The following CDKL1 variants were observed in gnomAD, a reference collection of about 807,000 sequenced individuals.
CDKL1 encodes the protein cyclin dependent kinase like 1, also known as cyclin-dependent kinase-like 1.
In CDKL1, 41 loss-of-function variants were observed where a neutral mutation model predicts 42.0. The observed-to-expected ratio is 0.98, with a 90% CI of 0.76 to 1.27. The LOEUF (loss-of-function observed/expected upper bound fraction) is 1.27. Ranked by LOEUF, CDKL1 falls within the 50% of genes most tolerant of loss-of-function variation. CDKL1 has a pLI of 0.00. For missense variants in CDKL1, 394 were observed against 428.4 expected, an observed-to-expected ratio of 0.92 and a Z score of 0.71; for synonymous variants, 153 against 158.6, an observed-to-expected ratio of 0.96 and a Z score of 0.26.
chr14:50,378,519 GTTC>G, intron 2 of CDKL1: 1 of 1,057,128 alleles, frequency 9.5e-7, no homozygotes, highest in Non-Finnish European at 1.3e-6. Context: ...CCTGCAGACA[GTTC>G]TTTTTTAAAT....
chr14:50,371,992 A>G (rs760615576), intron 2 of CDKL1, among the ~76,000 whole-genome samples: 9 of 152,210 alleles, frequency 5.9e-5, no homozygotes, highest in Admixed American at 6.5e-5. Context: ...ACCCCTCTGG[A>G]CTTTGGACAC....
At chr14:50,357,894 T>C in intron 3 of CDKL1, 1 of 437,334 alleles carries the variant, frequency 2.3e-6, no homozygotes, top group Admixed American at 3.1e-5. Flanking sequence ...TAAGGGAAGC[T>C]TATTTGCAAG....
intron 7 of CDKL1, chr14:50,334,865 A>T: frequency 5.5e-6 from 2 of 364,456 alleles, no homozygotes; most frequent in Non-Finnish European, 9.7e-6. Flanking sequence ...TCTGATACCA[A>T]TGGAGATAGC....
intron 3 of CDKL1, among the ~76,000 whole-genome samples, chr14:50,349,248 A>G (rs1339593815): frequency 1.3e-5 from 2 of 152,214 alleles, no homozygotes; most frequent in African/African-American, 2.4e-5. Context: ...TTGAAGGAAT[A>G]TTATCTTCAA....
intron 3 of CDKL1, among the ~76,000 whole-genome samples, chr14:50,349,077 C>G (rs8014627): frequency 0.023 from 3,484 of 152,228 alleles, 146 homozygotes; most frequent in African/African-American, 0.079. Context: ...AAAATCAAGA[C>G]ACACTCATGA....
chr14:50,342,150 CAA>C lies in CDKL1; in HGVS notation c.434_435del (p.Phe145TrpfsTer11). On this transcript the variant is annotated frameshift_variant, in exon 5 of 10. Coordinates refer to ENST00000395834, the MANE Select transcript of CDKL1 (RefSeq NM_004196.7). LOFTEE classifies it high-confidence loss of function. The part of the protein sequence containing the change: ...TKHSVIKLCD[F>X]GFARLLTGPS... ...TACTCACTCAAAAGCCGAGCAAATC[CAA>C]AGTCACAAAGCTTAATCACGGAATG... 1 of 1,614,010 alleles carries C rather than the reference CAA, an allele frequency of 6.2e-7. No individual in the cohort carries two copies. The highest frequency in any genetic ancestry group is 8.5e-7 in the Non-Finnish European group (1 of 1,179,998).
At chr14:50,337,058 G>C (rs1357101161) in intron 7 of CDKL1, among the ~76,000 whole-genome samples, 1 of 152,170 alleles carries the variant, frequency 6.6e-6, no homozygotes, top group Non-Finnish European at 1.5e-5. Context: ...GCCCAGGCTG[G>C]AGTGTACTGA....
intron 7 of CDKL1, chr14:50,335,872 A>G (rs1326523886): frequency 1.6e-6 from 2 of 1,261,980 alleles, no homozygotes; most frequent in East Asian, 4.7e-5. Context: ...ATCATTGATA[A>G]GAGTAGGAGA....
intron 2 of CDKL1, among the ~76,000 whole-genome samples, chr14:50,369,614 A>ACC (rs2034532741): frequency 6.7e-6 from 1 of 149,186 alleles, no homozygotes; most frequent in Non-Finnish European, 1.5e-5. Context: ...ACATGCACAC[A>ACC]CACACACACA....
chr14:50,380,227 G>C (rs751577343), intron 2 of CDKL1: 10 of 532,366 alleles, frequency 1.9e-5, no homozygotes, highest in Non-Finnish European at 3.9e-5. Flanking sequence ...TAAATCCGAA[G>C]CAAAACTGCA....
intron 2 of CDKL1, chr14:50,378,234 T>C (rs1244024442): frequency 2.9e-6 from 4 of 1,366,278 alleles, no homozygotes; most frequent in Admixed American, 1.9e-5. Context: ...GGGGGATGCC[T>C]GTCCTCCTTA....
chr14:50,380,777 A>G (rs899906254), intron 2 of CDKL1, among the ~76,000 whole-genome samples: 3 of 142,564 alleles, frequency 2.1e-5, no homozygotes, highest in Non-Finnish European at 4.6e-5. Flanking sequence ...TAGGAGTCCA[A>G]TGGCCTGGGG....
Position 50,341,213 on chromosome 14 carries a change from A to T in CDKL1, c.474T>A (p.Tyr158Ter), listed in dbSNP as rs369350174. The change falls in exon 6 of 10, where the codon TAT (tyrosine) becomes TAA (stop). Residue 158 changes from tyrosine to a stop codon, truncating the protein, a stop_gained. Coordinates refer to ENST00000395834, the MANE Select transcript of CDKL1 (RefSeq NM_004196.7). LOFTEE classifies it high-confidence loss of function. ...ACCACCTGGTAGCCACGTAGTCTGT[A>T]TAGTAGTCACTCGGTCCAGCTAGCC... is the stretch of plus-strand genomic sequence containing the variant. ...ARLLTGPSDY[Y>*]TDYVATRWYR... The T allele has an allele frequency of 1.9e-6, 3 of 1,608,810 alleles. No individual in the cohort carries two copies. Among genetic ancestry groups the T allele is most frequent in the Non-Finnish European group, 2.6e-6 (3 of 1,176,226 alleles).
At chr14:50,359,370 G>A (rs1285668270) in intron 2 of CDKL1, among the ~76,000 whole-genome samples, 3 of 151,938 alleles carry the variant, frequency 2.0e-5, no homozygotes, top group Admixed American at 1.3e-4. Flanking sequence ...GGCAAAGAGA[G>A]GTATAAGAAG....
intron 4 of CDKL1, among the ~76,000 whole-genome samples, chr14:50,344,045 A>G (rs182534260): frequency 6.6e-6 from 1 of 152,216 alleles, no homozygotes; most frequent in Non-Finnish European, 1.5e-5. Context: ...AATTGCACTC[A>G]TGGCCAAAAC....
intron 2 of CDKL1, among the ~76,000 whole-genome samples, chr14:50,384,555 T>C (rs113031530): frequency 7.9e-5 from 12 of 151,740 alleles, no homozygotes; most frequent in African/African-American, 2.9e-4. Context: ...AAATGCTAAA[T>C]GTGTGATAAT....
chr14:50,341,104 G>A lies in CDKL1; in HGVS notation c.583C>T (p.Leu195=), dbSNP rs138359936. The change falls in exon 6 of 10, where the codon CTG becomes TTG. Residue 195 remains leucine (L), a synonymous_variant. Coordinates refer to ENST00000395834, the MANE Select transcript of CDKL1 (RefSeq NM_004196.7). Reference sequence around the variant, plus strand: ...GGCCACAGAGGCACTCCTGACAGCAGCTCAGCAAAGACACAGCCAATTGCC... The same window carrying A: ...GGCCACAGAGGCACTCCTGACAGCAACTCAGCAAAGACACAGCCAATTGCC... ...VWAIGCVFAE[L]LSGVPLWPGK... 1.9e-5 allele frequency: 30 copies of A among 1,614,078 alleles called. No individual in the cohort carries two copies. The African/African-American group carries it at 3.7e-4, about 20-fold the overall frequency.
chr14:50,341,228 T>C lies in CDKL1; in HGVS notation c.459A>G (p.Gly153=). ...CGTAGTCTGTATAGTAGTCACTCGG[T>C]CCAGCTAGCCAGTGATGGAACATGG... ...CDFGFARLLT[G]PSDYYTDYVA... The change falls in exon 6 of 10, where the codon GGA becomes GGG. Residue 153 remains glycine, a synonymous_variant. Transcript: ENST00000395834. The C allele has an allele frequency of 1.9e-6, 3 of 1,597,034 alleles. No homozygotes were observed. The highest frequency in any genetic ancestry group is 2.6e-6 in the Non-Finnish European group (3 of 1,168,314).
At position 50,342,163 on chromosome 14, in the gene CDKL1, C is replaced by T. The variant is rs1469097937; in HGVS notation, c.423G>A (p.Lys141=). ...GCCGAGCAAATCCAAAGTCACAAAG[C>T]TTAATCACGGAATGTTTCGTGATGA... ...NILITKHSVI[K]LCDFGFARLL... is the part of the protein sequence containing the mutation. Residue 141 remains lysine, a synonymous_variant, in exon 5 of 10, where the codon AAG becomes AAA. Coordinates refer to ENST00000395834, the MANE Select transcript of CDKL1 (RefSeq NM_004196.7). 1 of 1,614,080 alleles carries T rather than the reference C, an allele frequency of 6.2e-7. No homozygotes were observed. Among genetic ancestry groups the T allele is most frequent in the South Asian group, 1.1e-5 (1 of 91,074 alleles).
Sources: gnomAD v4.1 joint callset for allele counts (sites outside exome capture counted in the v4.1 genomes callset) on GRCh38, gnomAD v4.1.1 for gene constraint, MANE v1.5 for transcripts, NCBI Gene and HGNC (gene_info 2026-07-23, HGNC 2026-07-21) for gene names.